SUCLG2: variants seen among roughly 807,000 people sequenced by gnomAD.
SUCLG2 encodes succinate-CoA ligase GDP-forming subunit beta, also known as succinate--CoA ligase [GDP-forming] subunit beta, mitochondrial.
In SUCLG2, 42 loss-of-function variants were observed where a neutral mutation model predicts 47.9. That is an observed-to-expected ratio of 0.88 (90% CI 0.69 to 1.14). The LOEUF (loss-of-function observed/expected upper bound fraction) is 1.14, where lower values mean the gene tolerates loss of function less well. Among genes scored for constraint, SUCLG2 ranks in the 50% most tolerant of loss-of-function variants. The pLI is 0.00. For missense variants in SUCLG2, 571 were observed against 525.9 expected (o/e 1.09, Z -0.84); for synonymous variants, 195 against 197.3 (o/e 0.99, Z 0.10).
exon 11 of SUCLG2, chr3:67,360,662 C>T: frequency 6.6e-7 from 1 of 1,516,736 alleles, no homozygotes; most frequent in South Asian, 1.2e-5. Flanking sequence ...CACACTTACT[C>T]AGATTTTGGT....
intron 9 of SUCLG2, among the ~76,000 whole-genome samples, chr3:67,487,047 A>G (rs901331100): frequency 4.0e-5 from 6 of 151,852 alleles, no homozygotes; most frequent in African/African-American, 1.2e-4. Flanking sequence ...AACAATGTAG[A>G]TTAGATTACA....
intron 2 of SUCLG2, among the ~76,000 whole-genome samples, chr3:67,546,027 T>C (rs1288156696): frequency 6.6e-6 from 1 of 152,198 alleles, no homozygotes; most frequent in Non-Finnish European, 1.5e-5. Context: ...TGGACTGTTT[T>C]CAAAACGACA....
intron 1 of SUCLG2, among the ~76,000 whole-genome samples, chr3:67,627,873 G>C (rs544337560): frequency 7.6e-4 from 115 of 152,296 alleles, no homozygotes; most frequent in Non-Finnish European, 1.5e-3. Flanking sequence ...CAGCTCTGCA[G>C]GACCTATGTT....
At chr3:67,651,235 G>A (rs182402571) in intron 1 of SUCLG2, among the ~76,000 whole-genome samples, 22 of 152,278 alleles carry the variant, frequency 1.4e-4, no homozygotes, top group African/African-American at 5.1e-4. Flanking sequence ...GCCTCTGTAT[G>A]GTTTAAACCC....
chr3:67,595,230 G>A (rs1467320225), intron 2 of SUCLG2, among the ~76,000 whole-genome samples: 2 of 152,180 alleles, frequency 1.3e-5, no homozygotes, highest in African/African-American at 4.8e-5. Flanking sequence ...ACACTGTGAA[G>A]TTAAAAGGCA....
At chr3:67,385,461 G>A (rs1702240552) in intron 10 of SUCLG2, among the ~76,000 whole-genome samples, 2 of 152,222 alleles carry the variant, frequency 1.3e-5, no homozygotes, top group Admixed American at 6.5e-5. Flanking sequence ...CCTATCACTG[G>A]CTCCATCCGG....
intron 1 of SUCLG2, among the ~76,000 whole-genome samples, chr3:67,647,434 C>T (rs938148196): frequency 6.6e-6 from 1 of 152,206 alleles, no homozygotes; most frequent in African/African-American, 2.4e-5. Context: ...CATCCTCCAA[C>T]ACCATCCCCC....
intron 1 of SUCLG2, among the ~76,000 whole-genome samples, chr3:67,644,344 T>C (rs1415213358): frequency 6.6e-6 from 1 of 152,188 alleles, no homozygotes. Flanking sequence ...CAGATGAACT[T>C]TGAAGACATT....
intron 9 of SUCLG2, among the ~76,000 whole-genome samples, chr3:67,459,805 C>T (rs1336174477): frequency 6.6e-6 from 1 of 152,134 alleles, no homozygotes; most frequent in Admixed American, 6.5e-5. Flanking sequence ...CCATCAGGAA[C>T]TCAGATGCCT....
At chr3:67,430,303 A>G (rs1703440669) in intron 9 of SUCLG2, among the ~76,000 whole-genome samples, 1 of 152,196 alleles carries the variant, frequency 6.6e-6, no homozygotes, top group Admixed American at 6.5e-5. Flanking sequence ...AACTCACTCA[A>G]AACCGCTCAA....
intron 2 of SUCLG2, among the ~76,000 whole-genome samples, chr3:67,583,570 G>T (rs1269468454): frequency 6.6e-6 from 1 of 152,162 alleles, no homozygotes. Context: ...GTGTTTGCAG[G>T]TCAGAAGTCT....
At chr3:67,508,563 C>T (rs1403432814) in intron 7 of SUCLG2, among the ~76,000 whole-genome samples, 1 of 152,140 alleles carries the variant, frequency 6.6e-6, no homozygotes, top group African/African-American at 2.4e-5. Context: ...AGCCACCACA[C>T]CAAGCCTGAA....
At chr3:67,648,895 ATCAC>A (rs1340799155) in intron 1 of SUCLG2, among the ~76,000 whole-genome samples, 2 of 152,176 alleles carry the variant, frequency 1.3e-5, no homozygotes, top group Non-Finnish European at 2.9e-5. Flanking sequence ...CAGCTGGGGA[ATCAC>A]TCACGCTGTT....
intron 1 of SUCLG2, among the ~76,000 whole-genome samples, chr3:67,618,586 C>G (rs1259525543): frequency 6.6e-6 from 1 of 152,104 alleles, no homozygotes; most frequent in Non-Finnish European, 1.5e-5. Context: ...ATCCAGGTCC[C>G]CCTGCCTAAA....
chr3:67,408,000 A>G (rs1702853719), intron 9 of SUCLG2, among the ~76,000 whole-genome samples: 2 of 152,182 alleles, frequency 1.3e-5, no homozygotes, highest in Non-Finnish European at 2.9e-5. Flanking sequence ...ACTCTGCTAA[A>G]TTAGAGGGGA....
intron 2 of SUCLG2, among the ~76,000 whole-genome samples, chr3:67,576,535 TA>T (rs1164167067): frequency 1.3e-5 from 2 of 152,298 alleles, no homozygotes; most frequent in Admixed American, 6.5e-5. Context: ...TTGAGATAAA[TA>T]TATTTAAATT....
intron 9 of SUCLG2, among the ~76,000 whole-genome samples, chr3:67,432,327 C>G (rs997439406): frequency 6.6e-6 from 1 of 152,118 alleles, no homozygotes; most frequent in African/African-American, 2.4e-5. Context: ...AGCAATTGGT[C>G]TTAGTAAATG....
chr3:67,392,710 A>T (rs1702417846), intron 10 of SUCLG2, among the ~76,000 whole-genome samples: 1 of 152,196 alleles, frequency 6.6e-6, no homozygotes, highest in African/African-American at 2.4e-5. Context: ...ACAATAAGAG[A>T]AGACTATGTT....
intron 2 of SUCLG2, among the ~76,000 whole-genome samples, chr3:67,593,328 A>G (rs894090904): frequency 1.4e-5 from 2 of 139,412 alleles, no homozygotes; most frequent in African/African-American, 5.8e-5. Flanking sequence ...ACACATCCCC[A>G]ATGCCTAACA....
Sources: allele counts gnomAD v4.1 joint callset (sites outside exome capture counted in the v4.1 genomes callset), GRCh38; gene constraint gnomAD v4.1.1; transcripts MANE v1.5; gene names NCBI Gene and HGNC (gene_info 2026-07-23, HGNC 2026-07-21).